The following MED13 variants were observed in gnomAD, a reference collection of about 807,000 sequenced individuals.
MED13 encodes the protein mediator complex subunit 13.
In MED13, 23 loss-of-function variants were observed where a neutral mutation model predicts 225.2. That is an observed-to-expected ratio of 0.10 (90% CI 0.07 to 0.14). MED13 has a LOEUF of 0.14. Among genes scored for constraint, MED13 ranks in the 10% least tolerant of loss-of-function variants. The pLI, the probability that MED13 is intolerant of heterozygous loss-of-function variation, is 1.00. For missense variants in MED13, 2,197 were observed against 2,594.5 expected (o/e 0.85, Z 3.33); for synonymous variants, 942 against 889.2 (o/e 1.06, Z -1.06).
rs2080795634 is a variant in MED13 at position 62,035,605 on chromosome 17, T to C, written c.474A>G (p.Glu158=). 1.9e-6 allele frequency: 3 copies of C among 1,601,616 alleles called. No homozygotes were observed. Among genetic ancestry groups the C allele is most frequent in the Non-Finnish European group, 2.5e-6 (3 of 1,176,690 alleles). Reference sequence around the variant, plus strand: ...AAAAGGTGAAGGAGCAGGACAAGTGTTCACTAAAAAAGAAGAAAAAGTTTT... The same window carrying C: ...AAAAGGTGAAGGAGCAGGACAAGTGCTCACTAAAAAAGAAGAAAAAGTTTT... The part of the protein sequence containing the change: ...EKDEKPINKS[E]HLSCSFTFFL... The change falls in exon 4 of 30, where the codon GAA becomes GAG. Residue 158 remains glutamate (E), a synonymous_variant. Coordinates refer to ENST00000397786, the MANE Select transcript of MED13 (RefSeq NM_005121.3).
intron 20 of MED13, among the ~76,000 whole-genome samples, chr17:61,964,115 G>A (rs955363485): frequency 1.3e-5 from 2 of 152,150 alleles, no homozygotes; most frequent in Admixed American, 1.3e-4. Context: ...TCACCAGAGT[G>A]ATTTGCACAG....
chr17:62,044,565 T>C (rs2080882479), intron 3 of MED13, among the ~76,000 whole-genome samples: 1 of 152,254 alleles, frequency 6.6e-6, no homozygotes, highest in African/African-American at 2.4e-5. Flanking sequence ...CTTTATGTTA[T>C]ATCCAGCAAG....
intron 8 of MED13, among the ~76,000 whole-genome samples, chr17:62,024,767 T>A (rs1480556381): frequency 6.6e-6 from 1 of 152,206 alleles, no homozygotes; most frequent in Non-Finnish European, 1.5e-5. Flanking sequence ...CTCCCACTTA[T>A]AAGTGAGAAC....
chr17:61,958,292 TGA>T (rs1329699576), intron 23 of MED13, among the ~76,000 whole-genome samples: 2 of 150,956 alleles, frequency 1.3e-5, no homozygotes, highest in African/African-American at 4.9e-5. Flanking sequence ...CTCAGCCTCC[TGA>T]GTAGCTGGGA....
chr17:61,955,339 G>T (rs1235185062), intron 26 of MED13, 43 bp downstream of exon 26: 2 of 1,393,220 alleles, frequency 1.4e-6, no homozygotes, highest in African/African-American at 2.9e-5. Flanking sequence ...AATTTATTTT[G>T]GGGGGTATTC....
intron 14 of MED13, 50 bp from the exon 15 acceptor site, chr17:61,984,417 AAAAT>A (rs777456278): frequency 9.7e-6 from 13 of 1,344,396 alleles, no homozygotes; most frequent in Middle Eastern, 3.8e-4. Flanking sequence ...CTAGGAGGAA[AAAAT>A]AAATAAACAA....
In MED13 at chr17:61,972,873, C is replaced by G; in HGVS notation, c.3821G>C (p.Cys1274Ser). The change falls in exon 17 of 30, where the codon TGC becomes TCC. Residue 1274 changes from cysteine to serine, a missense_variant. By Grantham distance (112) the Cys-to-Ser change is moderately radical. This residue lies in a region of MED13 where 203 missense variants were observed against 209.7 expected (regional missense o/e 0.97). Coordinates refer to ENST00000397786, the MANE Select transcript of MED13 (RefSeq NM_005121.3). ...WSKRNDVSMQCSQDILRMLLS... is the reference protein window; with the variant it reads ...WSKRNDVSMQSSQDILRMLLS... ...GAGCATTCGAAGTATATCCTGTGAG[C>G]ACTGCATACTCACATCTACAAGCAT... 6.2e-7 allele frequency: 1 copy of G among 1,604,482 alleles called. No individual in the cohort carries two copies. Among genetic ancestry groups the G allele is most frequent in the Middle Eastern group, 1.7e-4 (1 of 6,018 alleles).
intron 7 of MED13, 94 bp from the exon 8 acceptor site, chr17:62,029,745 T>C (rs756617312): frequency 4.0e-5 from 60 of 1,504,470 alleles, no homozygotes; most frequent in Non-Finnish European, 5.2e-5. Context: ...ATCAACATTA[T>C]GAGTTAAAGA....
intron 3 of MED13, among the ~76,000 whole-genome samples, chr17:62,051,373 C>T (rs1287521864): frequency 1.3e-5 from 2 of 152,098 alleles, no homozygotes; most frequent in Non-Finnish European, 2.9e-5. Flanking sequence ...ACTTTGAATC[C>T]TTGATGACAT....
At chr17:61,981,183 C>T (rs1159372758) in intron 16 of MED13, among the ~76,000 whole-genome samples, 3 of 152,008 alleles carry the variant, frequency 2.0e-5, no homozygotes, top group East Asian at 3.9e-4. Context: ...CCACCAAGCC[C>T]AGCTAATTTT....
intron 28 of MED13, among the ~76,000 whole-genome samples, chr17:61,947,344 T>G (rs894553350): frequency 2.0e-5 from 3 of 152,150 alleles, no homozygotes; most frequent in Non-Finnish European, 4.4e-5. Flanking sequence ...GAAGTGATTT[T>G]TAAGTGCAAA....
intron 9 of MED13, among the ~76,000 whole-genome samples, chr17:61,997,699 A>G (rs549331791): frequency 4.6e-5 from 7 of 152,322 alleles, no homozygotes; most frequent in African/African-American, 7.2e-5. Context: ...TTATATTCAA[A>G]TAACTATCCT....
At chr17:61,971,499 C>A (rs1465571942) in intron 17 of MED13, among the ~76,000 whole-genome samples, 1 of 151,886 alleles carries the variant, frequency 6.6e-6, no homozygotes. Context: ...GGTTTCTCCA[C>A]GTTGGTCAGG....
At chr17:62,048,142 A>T (rs1172216964) in intron 3 of MED13, among the ~76,000 whole-genome samples, 1 of 149,102 alleles carries the variant, frequency 6.7e-6, no homozygotes, top group Non-Finnish European at 1.5e-5. Flanking sequence ...ACAGTGGCTC[A>T]CACCTGTAAT....
chr17:62,027,265 C>T (rs1285842609), intron 8 of MED13, among the ~76,000 whole-genome samples: 1 of 152,014 alleles, frequency 6.6e-6, no homozygotes, highest in African/African-American at 2.4e-5. Context: ...GAATAGAGAG[C>T]CCAGAAATAA....
At chr17:62,051,879 C>G (rs1002762219) in intron 3 of MED13, among the ~76,000 whole-genome samples, 5 of 152,160 alleles carry the variant, frequency 3.3e-5, no homozygotes, top group African/African-American at 1.2e-4. Flanking sequence ...TTTTGAGAGA[C>G]TATGCCTTAT....
chr17:62,010,505 T>G (rs748980491), intron 9 of MED13, 45 bp downstream of exon 9: 6 of 1,281,272 alleles, frequency 4.7e-6, no homozygotes, highest in Non-Finnish European at 6.1e-6. Context: ...CTTGCATCAC[T>G]TCCACCCTTA....
chr17:61,996,433 A>G (rs1452832360), intron 9 of MED13, among the ~76,000 whole-genome samples: 1 of 152,180 alleles, frequency 6.6e-6, no homozygotes, highest in South Asian at 2.1e-4. Context: ...GAAAAAAACC[A>G]AAGTCCTTAT....
At position 61,953,808 on chromosome 17, in the gene MED13, G is replaced by A. The variant is rs569395271; in HGVS notation, c.5969-695C>T. On this transcript the variant is annotated intron_variant, in intron 26 of 29. Transcript: ENST00000397786. ...CATAGTACAAACAAAATGAAAATGT[G>A]TTTAAAGTGGGACTACAGTATTCCC... Among the ~76,000 whole-genome samples the A allele has an allele frequency of 6.6e-5, 10 of 152,334 alleles. No homozygotes were observed. The East Asian group carries it at 1.7e-3, about 26-fold the overall frequency.
Sources: gnomAD v4.1 joint callset for allele counts (sites outside exome capture counted in the v4.1 genomes callset) on GRCh38, gnomAD v4.1.1 for gene constraint, gnomAD v4.1.1 regional missense constraint, MANE v1.5 for transcripts, NCBI Gene and HGNC (gene_info 2026-07-23, HGNC 2026-07-21) for gene names.